CCDC181: variants seen among roughly 807,000 people sequenced by gnomAD.
CCDC181 encodes coiled-coil domain-containing protein 181.
CCDC181 carries 35 observed loss-of-function variants against 58.7 expected under a neutral mutation model. The observed-to-expected ratio is 0.60, with a 90% CI of 0.46 to 0.79. The LOEUF (loss-of-function observed/expected upper bound fraction) is 0.79, where lower values mean the gene tolerates loss of function less well. CCDC181 is among the 30% of genes least tolerant of loss of function. The pLI is 0.00. For synonymous variants in CCDC181, 183 were observed against 197.5 expected (o/e 0.93, Z 0.62); for missense variants, 517 against 583.9 (o/e 0.89, Z 1.18).
chr1:169,410,102 A>G (rs1415100644), intron 4 of CCDC181, among the ~76,000 whole-genome samples: 1 of 152,006 alleles, frequency 6.6e-6, no homozygotes, highest in Admixed American at 6.6e-5. Flanking sequence ...AATCGGATAG[A>G]GTCAAGACCC....
rs72040890 is a variant in CCDC181, at chr1:169,440,931, TAA to T, written c.-23-15983_-23-15982del. On this transcript the variant is annotated intron_variant, in intron 2 of 6. Transcript: ENST00000545005. ...GCCCAGGCAACAGAGCAAGACTGTC[TAA>T]AAAAAAAAAAAAGGCAAGATGAGGT... Among the ~76,000 whole-genome samples the T allele has an allele frequency of 6.1e-4, 47 of 76,878 alleles. 1 individual carries two copies. Among genetic ancestry groups the T allele is most frequent in the East Asian group, 3.8e-3 (17 of 4,530 alleles). The allele number at this position is 76,878 out of a possible 152,430, so 50.4% of individuals were successfully genotyped here. A position where few individuals can be genotyped will look rare whatever the true frequency, so the allele number is the denominator to read the frequency against.
chr1:169,439,568 A>G (rs1178399662), intron 2 of CCDC181, among the ~76,000 whole-genome samples: 1 of 152,082 alleles, frequency 6.6e-6, no homozygotes, highest in African/African-American at 2.4e-5. Context: ...GTTTGGTCTC[A>G]GGACTCACAG....
chr1:169,440,399 A>G (rs1461934737), intron 2 of CCDC181, among the ~76,000 whole-genome samples: 1 of 152,252 alleles, frequency 6.6e-6, no homozygotes, highest in Non-Finnish European at 1.5e-5. Context: ...AAGACAGGAG[A>G]ATTCCAATAG....
chr1:169,448,621 A>G (rs923037492), intron 2 of CCDC181, among the ~76,000 whole-genome samples: 1 of 152,060 alleles, frequency 6.6e-6, no homozygotes, highest in African/African-American at 2.4e-5. Flanking sequence ...TGAAATTTGA[A>G]TATGATATGC....
chr1:169,431,319 T>C (rs1318190751), upstream of CCDC181, among the ~76,000 whole-genome samples: 2 of 152,350 alleles, frequency 1.3e-5, no homozygotes, highest in Admixed American at 1.3e-4. Flanking sequence ...ATGCCCTTTA[T>C]TTCTTTCTCT....
intron 4 of CCDC181, among the ~76,000 whole-genome samples, chr1:169,401,856 C>T (rs1373683167): frequency 2.6e-5 from 4 of 152,016 alleles, no homozygotes; most frequent in Admixed American, 1.3e-4. Context: ...CAAACTTCTC[C>T]GAGCTAAAGA....
intron 4 of CCDC181, among the ~76,000 whole-genome samples, chr1:169,411,030 TAACTA>T (rs1655936177): frequency 6.6e-6 from 1 of 151,726 alleles, no homozygotes; most frequent in Non-Finnish European, 1.5e-5. Flanking sequence ...AAGCAAGAAA[TAACTA>T]AGATCAGAGC....
intron 2 of CCDC181, among the ~76,000 whole-genome samples, chr1:169,459,024 C>T (rs1464323406): frequency 6.6e-6 from 1 of 151,366 alleles, no homozygotes; most frequent in African/African-American, 2.4e-5. Context: ...TATTCATTCT[C>T]GTTTGTACAG....
intron 4 of CCDC181, among the ~76,000 whole-genome samples, chr1:169,413,552 A>T (rs1656072787): frequency 6.6e-6 from 1 of 152,344 alleles, no homozygotes; most frequent in East Asian, 1.9e-4. Context: ...TTATTCTACT[A>T]TAAAGACACA....
chr1:169,440,931 T>TAAAAAAAAAAAAAAAAAAAAAAAAAAAAA lies in CCDC181; in HGVS notation c.-23-15982_-23-15981insTTTTTTTTTTTTTTTTTTTTTTTTTTTTT, dbSNP rs72040890. ...GCCCAGGCAACAGAGCAAGACTGTC[T>TAAAAAAAAAAAAAAAAAAAAAAAAAAAAA]AAAAAAAAAAAAAAGGCAAGATGAG... On this transcript the variant is annotated intron_variant, in intron 2 of 6. Transcript: ENST00000545005. 5.7e-4 allele frequency among the ~76,000 whole-genome samples: 44 copies of TAAAAAAAAAAAAAAAAAAAAAAAAAAAAA among 76,846 alleles called. 2 individuals carry two copies. Among genetic ancestry groups the TAAAAAAAAAAAAAAAAAAAAAAAAAAAAA allele is most frequent in the African/African-American group, 1.9e-3 (36 of 18,834 alleles). The allele number at this position is 76,846 out of a possible 152,430, so 50.4% of individuals were successfully genotyped here. A position where few individuals can be genotyped will look rare whatever the true frequency, so the allele number is the denominator to read the frequency against.
chr1:169,415,273 G>A (rs577137755), intron 4 of CCDC181, among the ~76,000 whole-genome samples: 2 of 152,276 alleles, frequency 1.3e-5, no homozygotes, highest in African/African-American at 2.4e-5. Flanking sequence ...TGTGTTTTCC[G>A]TGGTCACTGA....
chr1:169,426,549 T>G (rs1264961284), intron 1 of CCDC181, among the ~76,000 whole-genome samples: 1 of 152,222 alleles, frequency 6.6e-6, no homozygotes, highest in Non-Finnish European at 1.5e-5. Flanking sequence ...GATCTTTCAG[T>G]AGGAGTCTTA....
At chr1:169,439,831 G>A (rs983233812) in intron 2 of CCDC181, among the ~76,000 whole-genome samples, 1 of 152,112 alleles carries the variant, frequency 6.6e-6, no homozygotes, top group Non-Finnish European at 1.5e-5. Flanking sequence ...GGAATAGAGT[G>A]ATAAGATGAT....
At chr1:169,454,986 C>T (rs1657646455) in intron 2 of CCDC181, among the ~76,000 whole-genome samples, 3 of 151,870 alleles carry the variant, frequency 2.0e-5, no homozygotes, top group Admixed American at 2.0e-4. Flanking sequence ...TAATTATTCT[C>T]TAAAATTTAT....
At chr1:169,454,625 T>A (rs1027624458) in intron 2 of CCDC181, 5 of 151,928 alleles carry the variant, frequency 3.3e-5, no homozygotes, top group African/African-American at 1.2e-4. Flanking sequence ...TAATCAAAAT[T>A]CACAGGACGT....
chr1:169,433,683 G>A (rs1656977429), intron 2 of CCDC181, among the ~76,000 whole-genome samples: 1 of 152,092 alleles, frequency 6.6e-6, no homozygotes, highest in Non-Finnish European at 1.5e-5. Flanking sequence ...CGAGGGGAAA[G>A]GATATCATCT....
At chr1:169,399,632 G>A (rs1180765984) in intron 4 of CCDC181, among the ~76,000 whole-genome samples, 2 of 152,094 alleles carry the variant, frequency 1.3e-5, no homozygotes, top group African/African-American at 2.4e-5. Context: ...ATTAGTAATG[G>A]ATTAAATTAT....
At position 169,419,170 on chromosome 1, in the gene CCDC181, A is replaced by G. The variant is rs747359173; in HGVS notation, c.1069-11T>C. 8 of 1,566,356 alleles carry G rather than the reference A, an allele frequency of 5.1e-6. No homozygotes were observed. The African/African-American group carries it at 1.1e-4, about 21-fold the overall frequency. On this transcript the variant is annotated splice_polypyrimidine_tract_variant and intron_variant, in intron 3 of 5. Coordinates refer to ENST00000367806, the MANE Select transcript of CCDC181 (RefSeq NM_001300969.2). ...TTTTCGTCGCTCTTCCTAGTAAAAG[A>G]ATATGAAAAGACATTAATGGAAGAT...
chr1:169,451,735 G>GA (rs1038165980), intron 2 of CCDC181, among the ~76,000 whole-genome samples: 4 of 139,998 alleles, frequency 2.9e-5, no homozygotes, highest in Admixed American at 7.7e-5. Context: ...GCAATTTAAA[G>GA]AAAAAAAAAA....
Sources: allele counts gnomAD v4.1 joint callset (sites outside exome capture counted in the v4.1 genomes callset), GRCh38; gene constraint gnomAD v4.1.1; transcripts MANE v1.5; gene names NCBI Gene and HGNC (gene_info 2026-07-23, HGNC 2026-07-21).